GOLM2: variants seen among roughly 807,000 people sequenced by gnomAD.
The protein encoded by GOLM2 is golgi membrane protein 2.
In GOLM2, 26 loss-of-function variants were observed where a neutral mutation model predicts 55.9. The ratio of observed to expected loss-of-function variants is 0.47; its 90% confidence interval spans 0.34 to 0.65. The LOEUF is 0.65. GOLM2 is among the 30% of genes least tolerant of loss of function. The pLI, the probability that GOLM2 is intolerant of heterozygous loss-of-function variation, is 0.01. For synonymous variants in GOLM2, 165 were observed against 194.6 expected (o/e 0.85, Z 1.27); for missense variants, 486 against 531.8 (o/e 0.91, Z 0.85).
intron 6 of GOLM2, among the ~76,000 whole-genome samples, chr15:44,358,281 G>T (rs1042837325): frequency 3.3e-5 from 5 of 152,324 alleles, no homozygotes; most frequent in Admixed American, 1.3e-4. Context: ...TTGAACCCAG[G>T]AGGCGGAGGT....
chr15:44,305,234 A>T (rs1216528820), intron 1 of GOLM2, among the ~76,000 whole-genome samples: 1 of 152,068 alleles, frequency 6.6e-6, no homozygotes, highest in Non-Finnish European at 1.5e-5. Flanking sequence ...TCCTAGGCCC[A>T]AGCAATTTGC....
chr15:44,326,960 C>CTT (rs778580607), intron 2 of GOLM2, among the ~76,000 whole-genome samples: 5 of 132,020 alleles, frequency 3.8e-5, no homozygotes, highest in Non-Finnish European at 4.9e-5. Context: ...CCAACATCTG[C>CTT]TTTTTTTTTT....
At chr15:44,291,410 C>A (rs2078720095) in intron 1 of GOLM2, among the ~76,000 whole-genome samples, 1 of 152,174 alleles carries the variant, frequency 6.6e-6, no homozygotes, top group South Asian at 2.1e-4. Flanking sequence ...TTTTCACTTT[C>A]ATTGCTAAAG....
At chr15:44,354,581 A>C (rs2079185637) in intron 6 of GOLM2, 1 of 152,258 alleles carries the variant, frequency 6.6e-6, no homozygotes, top group Non-Finnish European at 1.5e-5. Context: ...CAGTGGAATT[A>C]AACTGAAAAT....
At chr15:44,309,497 A>T (rs28477200) in intron 1 of GOLM2, among the ~76,000 whole-genome samples, 9,607 of 152,250 alleles carry the variant, frequency 0.063, 507 homozygotes, top group African/African-American at 0.14. Context: ...TAAATAAAAT[A>T]AAAAAATTCT....
At chr15:44,356,940 G>A (rs768442739) in intron 6 of GOLM2, among the ~76,000 whole-genome samples, 18 of 152,126 alleles carry the variant, frequency 1.2e-4, no homozygotes, top group Non-Finnish European at 2.1e-4. Context: ...GGAGGCCAAG[G>A]TGGGCAAATT....
rs2079095890 is a variant in GOLM2, at chr15:44,342,362, TCAA to T, written c.802+4046_802+4048del. Among the ~76,000 whole-genome samples, 12 of 152,076 alleles carry T rather than the reference TCAA, an allele frequency of 7.9e-5. No individual in the cohort carries two copies. In the South Asian group the frequency reaches 2.5e-3, roughly 32 times the overall value. ...TCACTGCAGCCTTGACCTCCTGGGC[TCAA>T]GTGGTACTCCCACATCGGCTCCCGA... On this transcript the variant is annotated intron_variant, in intron 6 of 9. Coordinates refer to ENST00000299957, the MANE Select transcript of GOLM2 (RefSeq NM_138423.4).
intron 8 of GOLM2, 133 bp downstream of exon 8, chr15:44,381,109 T>A (rs2079399278): frequency 3.8e-6 from 2 of 521,184 alleles, no homozygotes; most frequent in Non-Finnish European, 6.0e-6. Context: ...TATGAAAGTG[T>A]CAAAATTTAA....
intron 6 of GOLM2, among the ~76,000 whole-genome samples, chr15:44,372,538 C>A (rs2079335413): frequency 6.6e-6 from 1 of 152,158 alleles, no homozygotes; most frequent in Admixed American, 6.5e-5. Context: ...TTACCAGTTT[C>A]TTTAGAAATG....
At chr15:44,306,272 C>G (rs2078836204) in intron 1 of GOLM2, among the ~76,000 whole-genome samples, 1 of 152,146 alleles carries the variant, frequency 6.6e-6, no homozygotes, top group Admixed American at 6.5e-5. Context: ...GCACTTGCCA[C>G]TTCCCCTTGC....
intron 6 of GOLM2, among the ~76,000 whole-genome samples, chr15:44,341,931 C>T (rs971112619): frequency 1.3e-5 from 2 of 151,416 alleles, no homozygotes; most frequent in Admixed American, 1.3e-4. Flanking sequence ...CTCCTGACCT[C>T]GTGATCCACC....
At chr15:44,376,077 A>C (rs1029287694) in intron 6 of GOLM2, among the ~76,000 whole-genome samples, 1 of 152,150 alleles carries the variant, frequency 6.6e-6, no homozygotes, top group Non-Finnish European at 1.5e-5. Context: ...TCTCTACTAA[A>C]AATACAAAAT....
intron 9 of GOLM2, 113 bp from the exon 10 acceptor site, chr15:44,413,223 T>C (rs1464053563): frequency 8.8e-6 from 6 of 683,792 alleles, no homozygotes; most frequent in Non-Finnish European, 1.5e-5. Context: ...TTGTACTAGG[T>C]GTAAAATAAC....
At chr15:44,322,020 A>G (rs2078953782) in intron 1 of GOLM2, among the ~76,000 whole-genome samples, 1 of 152,072 alleles carries the variant, frequency 6.6e-6, no homozygotes, top group South Asian at 2.1e-4. Context: ...TGATTGCATC[A>G]CTGTACTCCA....
intron 6 of GOLM2, among the ~76,000 whole-genome samples, chr15:44,375,866 ATTTGTTATAT>A (rs2079361164): frequency 6.6e-6 from 1 of 152,260 alleles, no homozygotes; most frequent in Non-Finnish European, 1.5e-5. Context: ...GGTTCATTAA[ATTTGTTATAT>A]CCATAAAAGT....
chr15:44,314,245 AAAAAG>A (rs1555421657), intron 1 of GOLM2, among the ~76,000 whole-genome samples: 9 of 151,670 alleles, frequency 5.9e-5, no homozygotes, highest in African/African-American at 1.9e-4. Flanking sequence ...TCAAAAAAAA[AAAAAG>A]AAAAGAAAAG....
intron 1 of GOLM2, among the ~76,000 whole-genome samples, chr15:44,304,132 C>T (rs758471888): frequency 2.9e-4 from 44 of 151,964 alleles, no homozygotes; most frequent in Admixed American, 6.6e-4. Context: ...CCTCAACCTC[C>T]CAAAGTCCTG....
At chr15:44,364,017 G>A (rs1285697663) in intron 6 of GOLM2, among the ~76,000 whole-genome samples, 1 of 151,648 alleles carries the variant, frequency 6.6e-6, no homozygotes, top group Non-Finnish European at 1.5e-5. Flanking sequence ...CACAGGAAGG[G>A]GAACATCACA....
chr15:44,363,601 G>A (rs1293438813), intron 6 of GOLM2, among the ~76,000 whole-genome samples: 1 of 152,174 alleles, frequency 6.6e-6, no homozygotes, highest in Admixed American at 6.5e-5. Context: ...TGGTGGGACT[G>A]TAAACTAGTT....
Sources: gnomAD v4.1 joint callset for allele counts (sites outside exome capture counted in the v4.1 genomes callset) on GRCh38, gnomAD v4.1.1 for gene constraint, MANE v1.5 for transcripts, NCBI Gene and HGNC (gene_info 2026-07-23, HGNC 2026-07-21) for gene names.